Variants in TMPRSS13 observed in about 807,000 individuals in gnomAD.
TMPRSS13 encodes the protein transmembrane serine protease 13.
TMPRSS13 carries 50 observed loss-of-function variants against 68.4 expected under a neutral mutation model. The ratio of observed to expected loss-of-function variants is 0.73; its 90% confidence interval spans 0.58 to 0.93. The LOEUF (loss-of-function observed/expected upper bound fraction) is 0.93, where lower values mean the gene tolerates loss of function less well. TMPRSS13 is among the 40% of genes least tolerant of loss of function. The pLI is 0.00. For synonymous variants in TMPRSS13, 267 were observed against 285.8 expected (o/e 0.93, Z 0.66); for missense variants, 615 against 729.2 (o/e 0.84, Z 1.80).
At chr11:117,923,918 G>C (rs978617914) in intron 1 of TMPRSS13, among the ~76,000 whole-genome samples, 2 of 151,184 alleles carry the variant, frequency 1.3e-5, no homozygotes, top group African/African-American at 2.4e-5. Flanking sequence ...TGGCCTGAGG[G>C]CGGGTGCATC....
At chr11:117,907,249 C>T (rs1285530962) in intron 9 of TMPRSS13, among the ~76,000 whole-genome samples, 1 of 151,970 alleles carries the variant, frequency 6.6e-6, no homozygotes, top group Non-Finnish European at 1.5e-5. Context: ...CAGGAGGTAG[C>T]GGGCATCCCT....
intron 9 of TMPRSS13, chr11:117,907,550 C>T (rs2057476062): frequency 2.6e-5 from 4 of 152,594 alleles, no homozygotes; most frequent in Admixed American, 2.0e-4. Context: ...TCCTCCGAGG[C>T]TTCCAGAAAT....
intron 2 of TMPRSS13, 137 bp from the exon 3 acceptor site, chr11:117,917,411 A>G (rs1591626554): frequency 3.2e-6 from 2 of 633,652 alleles, no homozygotes; most frequent in East Asian, 5.6e-5. Context: ...ATGAGATTTT[A>G]TGGGGCTCAA....
In TMPRSS13 at chr11:117,903,278, C is replaced by T. The variant is rs566500965; in HGVS notation, c.1677+377G>A. 42 of 1,266,914 alleles carry T rather than the reference C, an allele frequency of 3.3e-5. No individual in the cohort carries two copies. The East Asian group carries it at 5.6e-4, about 17-fold the overall frequency. The allele number at this position is 1,266,914 out of a possible 1,614,324, so 78.5% of individuals were successfully genotyped here. The stretch of plus-strand genomic sequence containing the variant: ...CAGAGCTGGGAAAGGCCATGAAGAG[C>T]GGATTCCCATGCATAAATGCTTGAT... On this transcript the variant is annotated intron_variant, in intron 12 of 12. Coordinates refer to ENST00000524993, the MANE Select transcript of TMPRSS13 (RefSeq NM_001077263.3).
intron 1 of TMPRSS13, among the ~76,000 whole-genome samples, chr11:117,921,927 C>T (rs753805557): frequency 1.3e-5 from 2 of 152,246 alleles, no homozygotes; most frequent in African/African-American, 2.4e-5. Context: ...GTGAGGTCCC[C>T]GCTCCACCCC....
At chr11:117,903,919 AG>A in intron 11 of TMPRSS13, 39 bp downstream of exon 11, 2 of 1,602,690 alleles carry the variant, frequency 1.2e-6, no homozygotes, top group Non-Finnish European at 1.7e-6. Context: ...CCCCATCCCC[AG>A]GGTGCTGGGA....
In TMPRSS13 at chr11:117,924,177, C is replaced by CAAAGAAAAGAAAAGA. The variant is rs11269449; in HGVS notation, c.21+5095_21+5109dup. Among the ~76,000 whole-genome samples, 682 of 105,328 alleles carry CAAAGAAAAGAAAAGA rather than the reference C, an allele frequency of 6.5e-3. 49 individuals are homozygous for CAAAGAAAAGAAAAGA. The highest frequency in any genetic ancestry group is 0.016 in the African/African-American group (505 of 32,284). The allele number at this position is 105,328 out of a possible 152,430, so 69.1% of individuals were successfully genotyped here. ...TAGGCAACATAGCAAGACCCCATCT[C>CAAAGAAAAGAAAAGA]AAAGAAAAGAAAAGAAAAGAAAAGA... On this transcript the variant is annotated intron_variant, in intron 1 of 12. Coordinates refer to ENST00000524993, the MANE Select transcript of TMPRSS13 (RefSeq NM_001077263.3).
chr11:117,905,884 A>G (rs2134877989), intron 9 of TMPRSS13, 148 bp from the exon 10 acceptor site: 1 of 576,054 alleles, frequency 1.7e-6, no homozygotes, highest in East Asian at 3.2e-5. Context: ...TGAATCCTCC[A>G]GAGCCTTGGA....
At chr11:117,903,142 G>T in intron 12 of TMPRSS13, 1 of 1,339,048 alleles carries the variant, frequency 7.5e-7, no homozygotes, top group Admixed American at 3.6e-5. Flanking sequence ...AGTTCTCAGG[G>T]AGCATTCTGG....
At position 117,908,786 on chromosome 11, in the gene TMPRSS13, T is replaced by C. The variant is rs1444738803; in HGVS notation, c.1110-2A>G. The C allele has an allele frequency of 6.3e-7, 1 of 1,599,314 alleles. No homozygotes were observed. The highest frequency in any genetic ancestry group is 2.2e-5 in the East Asian group (1 of 44,472). On this transcript the variant is annotated splice_acceptor_variant, in intron 8 of 12. Transcript: ENST00000524993. LOFTEE classifies it high-confidence loss of function. ...CCCTCCAGGACCTTCTCCCGGGTCC[T>C]GCAAGAGCCACAAAGGAGCGTGGTC...
chr11:117,922,324 T>A lies in TMPRSS13; in HGVS notation c.22-3486A>T, dbSNP rs894483242. Among the ~76,000 whole-genome samples the A allele has an allele frequency of 3.3e-5, 5 of 152,042 alleles. No homozygotes were observed. Among genetic ancestry groups the A allele is most frequent in the Non-Finnish European group, 7.4e-5 (5 of 67,992 alleles). The stretch of plus-strand genomic sequence containing the variant: ...ATCTCGGCTCACTGCAACCTCCACC[T>A]CCCGGGTTCAAGTGATTCTCCTTCC... On this transcript the variant is annotated intron_variant, in intron 1 of 12. Transcript: ENST00000524993. The surrounding 1 kb of genome is among the most constrained non-coding windows in gnomAD (Gnocchi z 4.2).
intron 1 of TMPRSS13, among the ~76,000 whole-genome samples, chr11:117,924,646 T>A (rs1461222109): frequency 6.6e-6 from 1 of 152,052 alleles, no homozygotes; most frequent in Admixed American, 6.5e-5. Context: ...CCTGGGGTTG[T>A]GGCAGGGGAG....
rs150856324 is a variant in TMPRSS13, at chr11:117,919,420, T to C, written c.22-582A>G. Among the ~76,000 whole-genome samples, 195 of 152,388 alleles carry C rather than the reference T, an allele frequency of 1.3e-3. 1 individual carries two copies. Among genetic ancestry groups the C allele is most frequent in the African/African-American group, 4.2e-3 (173 of 41,592 alleles). Reference sequence around the variant, plus strand: ...TGAGCTCATCTGAGGAGAAAAAGAATGCTGGACAAAGGCCAGACTAAGGTC... The same window carrying C: ...TGAGCTCATCTGAGGAGAAAAAGAACGCTGGACAAAGGCCAGACTAAGGTC... On this transcript the variant is annotated intron_variant, in intron 1 of 12. Transcript: ENST00000524993.
intron 1 of TMPRSS13, among the ~76,000 whole-genome samples, chr11:117,921,248 T>G (rs182984623): frequency 6.6e-6 from 1 of 152,318 alleles, no homozygotes. Flanking sequence ...GGACCTACCT[T>G]CGTCTCTTCA....
chr11:117,911,643 T>A (rs2057524193), intron 6 of TMPRSS13, 125 bp downstream of exon 6: 1 of 697,272 alleles, frequency 1.4e-6, no homozygotes, highest in Admixed American at 2.6e-5. Flanking sequence ...CCCTGAACAC[T>A]CATGGTGGAC....
intron 1 of TMPRSS13, among the ~76,000 whole-genome samples, chr11:117,928,228 C>T (rs913859613): frequency 1.3e-5 from 2 of 152,208 alleles, no homozygotes; most frequent in Non-Finnish European, 2.9e-5. Flanking sequence ...GATAACCCCC[C>T]AAGGCCTAGG....
intron 9 of TMPRSS13, chr11:117,907,345 G>C (rs2057473437): frequency 6.6e-6 from 1 of 152,442 alleles, no homozygotes; most frequent in Admixed American, 6.5e-5. Flanking sequence ...GTGGCTACGA[G>C]TGGGTGTGAC....
chr11:117,904,737 C>T (rs2057446007), intron 10 of TMPRSS13, among the ~76,000 whole-genome samples: 1 of 151,282 alleles, frequency 6.6e-6, no homozygotes, highest in Non-Finnish European at 1.5e-5. Context: ...ACCACTTCAT[C>T]ATCTTGTTTA....
At chr11:117,906,171 C>T (rs1345242369) in intron 9 of TMPRSS13, among the ~76,000 whole-genome samples, 1 of 152,254 alleles carries the variant, frequency 6.6e-6, no homozygotes, top group Non-Finnish European at 1.5e-5. Context: ...GCGGTATGTC[C>T]AGCCTGGTCT....
Sources: allele counts gnomAD v4.1 joint callset (sites outside exome capture counted in the v4.1 genomes callset), GRCh38; gene constraint gnomAD v4.1.1; non-coding constraint Gnocchi (gnomAD v3.1); transcripts MANE v1.5; gene names NCBI Gene and HGNC (gene_info 2026-07-23, HGNC 2026-07-21).